The following LY75 variants were observed in gnomAD, a reference collection of about 807,000 sequenced individuals.
LY75 encodes the protein C-type lectin domain family 13 member B.
In LY75, 185 loss-of-function variants were observed where a neutral mutation model predicts 231.7. The observed-to-expected ratio is 0.80, with a 90% confidence interval of 0.71 to 0.90. The LOEUF (loss-of-function observed/expected upper bound fraction) is 0.90, where lower values mean the gene tolerates loss of function less well. Among genes scored for constraint, LY75 ranks in the 40% least tolerant of loss-of-function variants. LY75 has a pLI of 0.00. For synonymous variants in LY75, 668 were observed against 689.0 expected (o/e 0.97, Z 0.48); for missense variants, 1,947 against 2,050.2 (o/e 0.95, Z 0.97).
At chr2:159,900,182 C>T (rs925986093) in intron 1 of LY75, among the ~76,000 whole-genome samples, 1 of 152,108 alleles carries the variant, frequency 6.6e-6, no homozygotes, top group Non-Finnish European at 1.5e-5. Context: ...CTGGCAAAGA[C>T]CCCAGTAAGG....
At chr2:159,894,632 G>C (rs1685858610) in intron 2 of LY75, among the ~76,000 whole-genome samples, 1 of 152,192 alleles carries the variant, frequency 6.6e-6, no homozygotes, top group African/African-American at 2.4e-5. Flanking sequence ...TTGAGACTGT[G>C]GTTTTTGAGG....
intron 19 of LY75, 123 bp downstream of exon 19, chr2:159,853,505 TTC>T (rs1447387155): frequency 7.3e-6 from 11 of 1,501,916 alleles, no homozygotes; most frequent in Non-Finnish European, 1.0e-5. Flanking sequence ...AGGGCTTGGT[TTC>T]TCTAATTTAG....
At chr2:159,830,551 G>A (rs1683618877) in intron 28 of LY75, among the ~76,000 whole-genome samples, 1 of 150,956 alleles carries the variant, frequency 6.6e-6, no homozygotes, top group African/African-American at 2.4e-5. Flanking sequence ...CCAAATATTC[G>A]AGCCCATTGT....
Position 159,886,440 on chromosome 2 carries a change from T to C in LY75, c.893A>G (p.Asn298Ser), listed in dbSNP as rs368243473. ...GTTACCTGGATCCCAGTTGAGAAAG[T>C]TTAATGGTTTGTGGTCTGACCATTC... is the stretch of plus-strand genomic sequence containing the variant. ...GWEWSDHKPLNFLNWDPDRPS... is the reference protein window; with the variant it reads ...GWEWSDHKPLSFLNWDPDRPS... The change falls in exon 5 of 35, where the codon AAC becomes AGC. Residue 298 changes from asparagine (N) to serine (S), a missense_variant. Coordinates refer to ENST00000263636, the MANE Select transcript of LY75 (RefSeq NM_002349.4). 7 of 1,609,422 alleles carry C rather than the reference T, an allele frequency of 4.3e-6. No individual in the cohort carries two copies. The highest frequency in any genetic ancestry group is 8.5e-7 in the Non-Finnish European group (1 of 1,177,062).
At chr2:159,813,191 A>C (rs1395660621) in intron 31 of LY75, among the ~76,000 whole-genome samples, 1 of 152,238 alleles carries the variant, frequency 6.6e-6, no homozygotes, top group East Asian at 1.9e-4. Context: ...GTGCTGGATC[A>C]CATAGTAATC....
chr2:159,841,720 T>C (rs1348786259), intron 24 of LY75, among the ~76,000 whole-genome samples: 2 of 152,108 alleles, frequency 1.3e-5, no homozygotes, highest in South Asian at 2.1e-4. Context: ...TGAATACTAT[T>C]AGTGGACTTA....
intron 32 of LY75, 116 bp from the exon 33 acceptor site, chr2:159,808,687 G>A: frequency 7.2e-7 from 1 of 1,380,346 alleles, no homozygotes; most frequent in Non-Finnish European, 9.5e-7. Flanking sequence ...ATAAATTCAA[G>A]CCTTACACAG....
chr2:159,854,995 T>C, intron 16 of LY75, 56 bp from the exon 17 acceptor site: 1 of 1,607,022 alleles, frequency 6.2e-7, no homozygotes, highest in Non-Finnish European at 8.5e-7. Context: ...CAGGGTATAC[T>C]ATAAGTACGG....
chr2:159,826,513 T>A (rs1323023050), intron 28 of LY75, among the ~76,000 whole-genome samples: 1 of 152,086 alleles, frequency 6.6e-6, no homozygotes, highest in East Asian at 1.9e-4. Context: ...ATCAATATCG[T>A]GAAAATGGCC....
intron 14 of LY75, among the ~76,000 whole-genome samples, chr2:159,862,575 T>C (rs1684744758): frequency 1.3e-5 from 2 of 152,186 alleles, no homozygotes; most frequent in African/African-American, 4.8e-5. Context: ...AAAAGAAGAC[T>C]TGTAACTTGT....
At position 159,829,629 on chromosome 2, in the gene LY75, T is replaced by C. The variant is rs567732512; in HGVS notation, c.3958+2041A>G. Among the ~76,000 whole-genome samples, 88 of 130,964 alleles carry C rather than the reference T, an allele frequency of 6.7e-4. 1 individual carries two copies. Among genetic ancestry groups the C allele is most frequent in the Non-Finnish European group, 1.0e-3 (64 of 63,000 alleles). The allele number at this position is 130,964 out of a possible 152,430, so 85.9% of individuals were successfully genotyped here. ...GCTGTTTTAAAAACAGAATTCCTTG[T>C]ATAGGGGCCAAAAAATTAAATATAA... On this transcript the variant is annotated intron_variant, in intron 28 of 34. Coordinates refer to ENST00000263636, the MANE Select transcript of LY75 (RefSeq NM_002349.4).
chr2:159,805,726 C>G (rs1198006818), intron 34 of LY75, among the ~76,000 whole-genome samples: 2 of 152,220 alleles, frequency 1.3e-5, no homozygotes, highest in Non-Finnish European at 2.9e-5. Flanking sequence ...TGGATTCGCT[C>G]TGTTCCATGA....
Position 159,878,705 on chromosome 2 carries a change from C to G in LY75, c.1532G>C (p.Gly511Ala). The G allele has an allele frequency of 6.2e-7, 1 of 1,613,954 alleles. No homozygotes were observed. Among genetic ancestry groups the G allele is most frequent in the Non-Finnish European group, 8.5e-7 (1 of 1,179,914 alleles). The change falls in exon 10 of 35, where the codon GGA becomes GCA. Residue 511 changes from glycine to alanine, a missense_variant. Gly to Ala is a moderately conservative substitution (Grantham distance 60). Coordinates refer to ENST00000263636, the MANE Select transcript of LY75 (RefSeq NM_002349.4). ...CPPDEGWKRH[G>A]ETCYKIYEDE... ...CTCATAAATCTTGTAACAGGTTTCT[C>G]CATGTCTCTTCCAGCCCTAAGTCAG...
rs751180260 is a variant in LY75 at position 159,810,696 on chromosome 2, G to T, written c.4550-21C>A. ...TTTAGCTATAAAAATGTTAGACACA[G>T]TTGTAACAATGCATGGAAAAAAAAG... On this transcript the variant is annotated intron_variant, in intron 31 of 34. Transcript: ENST00000263636. The T allele has an allele frequency of 1.0e-5, 16 of 1,601,742 alleles. No individual in the cohort carries two copies. In the East Asian group the frequency reaches 3.3e-4, roughly 33 times the overall value.
chr2:159,810,493 G>A (rs35590513), intron 32 of LY75, 33 bp downstream of exon 32: 160,888 of 1,588,140 alleles, frequency 0.1, 8,978 homozygotes, highest in South Asian at 0.16. Context: ...AAAAATTATT[G>A]AGTCATAAGA....
rs1683792298 is a variant in LY75, at chr2:159,835,530, G to A, written c.3623C>T (p.Thr1208Ile). 6.2e-6 allele frequency: 10 copies of A among 1,612,712 alleles called. No homozygotes were observed. In the East Asian group the frequency reaches 2.2e-4, roughly 36 times the overall value. Residue 1208 changes from threonine to isoleucine, a missense_variant, in exon 26 of 35, where the codon ACA (threonine) becomes ATA (isoleucine). Transcript: ENST00000263636. ...VVLDTDGFWKTVDCNDNQPGA... is the reference protein window; with the variant it reads ...VVLDTDGFWKIVDCNDNQPGA... ...TGGTTGATTGTCATTGCAATCAACT[G>A]TTTTCCAGAATCCATCAGTGTCTAA...
chr2:159,846,416 A>T (rs776962837), intron 23 of LY75, among the ~76,000 whole-genome samples: 3 of 152,098 alleles, frequency 2.0e-5, no homozygotes, highest in Non-Finnish European at 4.4e-5. Flanking sequence ...AGTCCTAGCT[A>T]CTTGGAAGGC....
At chr2:159,848,415 G>A (rs1202248273) in intron 23 of LY75, among the ~76,000 whole-genome samples, 3 of 151,946 alleles carry the variant, frequency 2.0e-5, no homozygotes, top group African/African-American at 7.3e-5. Context: ...AGGAAAGGAT[G>A]GGAAGGGGGT....
chr2:159,866,644 C>G (rs1206198977), intron 13 of LY75, among the ~76,000 whole-genome samples: 1 of 152,146 alleles, frequency 6.6e-6, no homozygotes, highest in Non-Finnish European at 1.5e-5. Flanking sequence ...ACCACAGGGT[C>G]TAGACAATTG....
Sources: allele counts gnomAD v4.1 joint callset (sites outside exome capture counted in the v4.1 genomes callset), GRCh38; gene constraint gnomAD v4.1.1; transcripts MANE v1.5; gene names NCBI Gene and HGNC (gene_info 2026-07-23, HGNC 2026-07-21).